CYP39A1: variants seen among roughly 807,000 people sequenced by gnomAD.
CYP39A1 encodes the protein 24-hydroxycholesterol 7-alpha-hydroxylase.
Under a neutral mutation model 58.1 loss-of-function variants are expected in CYP39A1, and 49 were observed. The observed-to-expected ratio is 0.84, with a 90% CI of 0.67 to 1.07. The LOEUF (loss-of-function observed/expected upper bound fraction) is 1.07. Among genes scored for constraint, CYP39A1 ranks in the 50% least tolerant of loss-of-function variants. The pLI is 0.00. For synonymous variants in CYP39A1, 209 were observed against 187.6 expected, an observed-to-expected ratio of 1.11 and a Z score of -0.93; for missense variants, 531 against 539.4, an observed-to-expected ratio of 0.98 and a Z score of 0.16.
At chr6:46,560,127 G>A (rs892880839) in intron 10 of CYP39A1, among the ~76,000 whole-genome samples, 2 of 152,114 alleles carry the variant, frequency 1.3e-5, no homozygotes, top group Non-Finnish European at 2.9e-5. Flanking sequence ...AGCCATAAAA[G>A]GTGCAAAAAT....
chr6:46,638,257 C>A (rs954374874), intron 3 of CYP39A1, among the ~76,000 whole-genome samples: 9 of 152,132 alleles, frequency 5.9e-5, no homozygotes, highest in African/African-American at 2.2e-4. Flanking sequence ...AATAAATAAA[C>A]TGATCTAATA....
intron 10 of CYP39A1, among the ~76,000 whole-genome samples, chr6:46,582,759 C>A (rs926960033): frequency 6.6e-6 from 1 of 151,496 alleles, no homozygotes; most frequent in Admixed American, 6.6e-5. Flanking sequence ...TGTTATGAGT[C>A]TTTGACTCTT....
At position 46,583,367 on chromosome 6, in the gene CYP39A1, G is replaced by C. The variant is rs1427011231; in HGVS notation, c.1250+3710C>G. 3 of 985,290 alleles carry C rather than the reference G, an allele frequency of 3.0e-6. No individual in the cohort carries two copies. In the African/African-American group the frequency reaches 5.2e-5, roughly 17 times the overall value. The allele number at this position is 985,290 out of a possible 1,614,324, so 61.0% of individuals were successfully genotyped here. On this transcript the variant is annotated intron_variant, in intron 10 of 11. Transcript: ENST00000275016. ...TGTTGGTTTTGGTGTGTGTTCCAGGGGACAGGTATAGCAAGCACATCCCTA... is the reference window on the plus strand; with the variant it reads ...TGTTGGTTTTGGTGTGTGTTCCAGGCGACAGGTATAGCAAGCACATCCCTA...
chr6:46,587,866 C>T (rs896109511), intron 9 of CYP39A1, among the ~76,000 whole-genome samples, 168 bp downstream of exon 9: 3 of 152,128 alleles, frequency 2.0e-5, no homozygotes, highest in African/African-American at 7.2e-5. Flanking sequence ...AAATGTTGCA[C>T]TATCTATATT....
intron 5 of CYP39A1, 118 bp from the exon 6 acceptor site, chr6:46,631,188 G>A (rs1348571424): frequency 1.8e-5 from 15 of 821,350 alleles, no homozygotes; most frequent in Non-Finnish European, 2.9e-5. Context: ...CCATTCCCAG[G>A]TTTTGCAGTT....
chr6:46,550,410 G>T lies in CYP39A1; in HGVS notation c.1366C>A (p.Gln456Lys). 6.2e-7 allele frequency: 1 copy of T among 1,611,822 alleles called. No homozygotes were observed. The highest frequency in any genetic ancestry group is 1.7e-5 in the Admixed American group (1 of 59,654). ...QSYLHLVGVP[Q>K]PEGQCRIEYK... is the part of the protein sequence containing the mutation. The stretch of plus-strand genomic sequence containing the variant: ...TCAATTCGGCATTGCCCTTCCGGCT[G>T]GGGGACACCCACCAAATGGAGATAA... The change falls in exon 12 of 12, where the codon CAG becomes AAG. Residue 456 changes from glutamine (Q) to lysine (K), a missense_variant. Physicochemically the swap from Gln to Lys is moderately conservative, Grantham distance 53. Transcript: ENST00000275016.
intron 10 of CYP39A1, 143 bp downstream of exon 10, chr6:46,586,934 G>T: frequency 1.5e-6 from 1 of 656,316 alleles, no homozygotes; most frequent in East Asian, 2.7e-5. Context: ...CAGGACCACA[G>T]ATAAACCAGA....
In CYP39A1 at chr6:46,612,594, G is replaced by A. The variant is rs531332369; in HGVS notation, c.931+12824C>T. Among the ~76,000 whole-genome samples, 9 of 152,292 alleles carry A rather than the reference G, an allele frequency of 5.9e-5. No homozygotes were observed. In the South Asian group the frequency reaches 1.2e-3, roughly 21 times the overall value. On this transcript the variant is annotated intron_variant, in intron 7 of 11. Coordinates refer to ENST00000275016, the MANE Select transcript of CYP39A1 (RefSeq NM_016593.5). ...GGATTTTAAAAGCTAGGCTAGCAAA[G>A]GTAAATGAGGCTATGTGAGAAATTT...
intron 7 of CYP39A1, among the ~76,000 whole-genome samples, chr6:46,599,159 G>A (rs768652746): frequency 2.0e-5 from 3 of 152,170 alleles, no homozygotes; most frequent in Non-Finnish European, 2.9e-5. Context: ...CCTACAGGTA[G>A]TTTGCAAGTG....
chr6:46,652,484 C>T lies in CYP39A1; in HGVS notation c.99G>A (p.Lys33=), dbSNP rs766648462. The T allele has an allele frequency of 6.2e-7, 1 of 1,613,976 alleles. No individual in the cohort carries two copies. The highest frequency in any genetic ancestry group is 1.1e-5 in the South Asian group (1 of 91,008). ...RKNLRRPPCI[K]GWIPWIGVGF... is the part of the protein sequence containing the mutation. Reference sequence around the variant, plus strand: ...CAACTCCAATCCAAGGAATCCAGCCCTTGATGCACGGGGGTCTACGCAAAT... The same window carrying T: ...CAACTCCAATCCAAGGAATCCAGCCTTTGATGCACGGGGGTCTACGCAAAT... Residue 33 remains lysine, a synonymous_variant, in exon 1 of 12, where the codon AAG becomes AAA. Transcript: ENST00000275016.
At chr6:46,594,983 T>C (rs561175440) in intron 8 of CYP39A1, among the ~76,000 whole-genome samples, 27 of 151,668 alleles carry the variant, frequency 1.8e-4, no homozygotes, top group African/African-American at 6.0e-4. Flanking sequence ...ACAAAAAAAA[T>C]GATTTTTAAA....
chr6:46,618,779 A>G (rs1257511182), intron 7 of CYP39A1, among the ~76,000 whole-genome samples: 3 of 152,108 alleles, frequency 2.0e-5, no homozygotes, highest in Non-Finnish European at 4.4e-5. Context: ...ACATCTTTAA[A>G]AGAAACAGAA....
At chr6:46,619,458 A>C (rs527507034) in intron 7 of CYP39A1, among the ~76,000 whole-genome samples, 3 of 152,234 alleles carry the variant, frequency 2.0e-5, no homozygotes, top group Admixed American at 6.5e-5. Context: ...ATATTTTTAA[A>C]AGTTAGTGAT....
At position 46,641,346 on chromosome 6, in the gene CYP39A1, A is replaced by T. The variant is rs114097994; in HGVS notation, c.313+817T>A. Among the ~76,000 whole-genome samples, 844 of 152,300 alleles carry T rather than the reference A, an allele frequency of 5.5e-3. 11 individuals are homozygous for T. Among genetic ancestry groups the T allele is most frequent in the African/African-American group, 0.018 (769 of 41,568 alleles). On this transcript the variant is annotated intron_variant, in intron 2 of 11. Coordinates refer to ENST00000275016, the MANE Select transcript of CYP39A1 (RefSeq NM_016593.5). ...AACAGGTTGTGATGATCATGCATAC[A>T]AGAAGAAAAAATATATATAATTCTA...
chr6:46,609,375 C>A (rs1774063951), intron 7 of CYP39A1, among the ~76,000 whole-genome samples: 1 of 151,064 alleles, frequency 6.6e-6, no homozygotes, highest in Non-Finnish European at 1.5e-5. Context: ...TGAGTCCGCG[C>A]CACTGCACTC....
intron 7 of CYP39A1, among the ~76,000 whole-genome samples, chr6:46,607,939 G>C (rs1227477315): frequency 6.6e-6 from 1 of 152,092 alleles, no homozygotes; most frequent in Non-Finnish European, 1.5e-5. Flanking sequence ...TCCTAGAACA[G>C]CTTGTTTAAA....
chr6:46,622,044 T>C (rs889467077), intron 7 of CYP39A1, among the ~76,000 whole-genome samples: 14 of 152,052 alleles, frequency 9.2e-5, no homozygotes, highest in African/African-American at 3.4e-4. Context: ...AATATAAAAC[T>C]GTACACTAGA....
chr6:46,598,240 T>G (rs1773287423), intron 7 of CYP39A1, among the ~76,000 whole-genome samples: 1 of 152,280 alleles, frequency 6.6e-6, no homozygotes, highest in African/African-American at 2.4e-5. Flanking sequence ...TTCTCAAACT[T>G]TTTGTAACAT....
intron 8 of CYP39A1, among the ~76,000 whole-genome samples, chr6:46,592,203 A>C (rs948197880): frequency 6.6e-6 from 1 of 152,174 alleles, no homozygotes; most frequent in Non-Finnish European, 1.5e-5. Context: ...AGGCAAAAGC[A>C]AACAAAGAGA....
Sources: allele counts gnomAD v4.1 joint callset (sites outside exome capture counted in the v4.1 genomes callset), GRCh38; gene constraint gnomAD v4.1.1; transcripts MANE v1.5; gene names NCBI Gene and HGNC (gene_info 2026-07-23, HGNC 2026-07-21).